Variants in METTL9 observed in about 807,000 individuals in gnomAD.
METTL9 encodes the protein protein-L-histidine N-pros-methyltransferase.
In METTL9, 10 loss-of-function variants were observed where a neutral mutation model predicts 36.0. The ratio of observed to expected loss-of-function variants is 0.28; its 90% CI spans 0.17 to 0.47. METTL9 has a LOEUF of 0.47. METTL9 is among the 20% of genes least tolerant of loss of function. The probability of loss-of-function intolerance (pLI) is 0.99; values close to 1 mark genes in which losing one functional copy is unlikely to be tolerated. For synonymous variants in METTL9, 175 were observed against 149.7 expected (o/e 1.17, Z -1.23); for missense variants, 246 against 383.5 (o/e 0.64, Z 3.00).
rs1966707259 is a variant in METTL9, at chr16:21,656,256, A to G, written c.*824A>G. 7.1e-6 allele frequency: 1 copy of G among 141,730 alleles called. No homozygotes were observed. Among genetic ancestry groups the G allele is most frequent in the South Asian group, 2.1e-4 (1 of 4,660 alleles). 8.8% of individuals were successfully genotyped at this position (141,730 alleles called of 1,614,324 possible). Reference sequence around the variant, plus strand: ...CTGACTTTGTGATCACTCATGTCCCATACACTGAACTTTGTTTTTTTCTGG... The same window carrying G: ...CTGACTTTGTGATCACTCATGTCCCGTACACTGAACTTTGTTTTTTTCTGG... On this transcript the variant is annotated 3_prime_UTR_variant, in exon 5 of 5. Transcript: ENST00000358154.
chr16:21,648,548 T>C (rs1966486422), intron 4 of METTL9, among the ~76,000 whole-genome samples: 1 of 152,184 alleles, frequency 6.6e-6, no homozygotes, highest in African/African-American at 2.4e-5. Context: ...AGTCACCCAC[T>C]CCAGTGTACT....
chr16:21,621,654 A>C (rs185055138), intron 3 of METTL9, among the ~76,000 whole-genome samples: 1 of 152,036 alleles, frequency 6.6e-6, no homozygotes, highest in Non-Finnish European at 1.5e-5. Context: ...AAAATAGGTC[A>C]ATAAACAGAA....
At chr16:21,603,142 C>CTTT (rs202168603) in intron 1 of METTL9, among the ~76,000 whole-genome samples, 1 of 143,552 alleles carries the variant, frequency 7.0e-6, no homozygotes, top group Admixed American at 6.9e-5. Flanking sequence ...TAACAAACAG[C>CTTT]TTTTTTTTTT....
chr16:21,611,867 T>G (rs960257635), intron 1 of METTL9, among the ~76,000 whole-genome samples: 1 of 152,224 alleles, frequency 6.6e-6, no homozygotes, highest in Non-Finnish European at 1.5e-5. Context: ...AAATTTCATC[T>G]ACAGGTGAAG....
intron 1 of METTL9, among the ~76,000 whole-genome samples, chr16:21,600,540 G>C (rs1965095322): frequency 6.6e-6 from 1 of 152,128 alleles, no homozygotes; most frequent in African/African-American, 2.4e-5. Context: ...GATTTAGTCA[G>C]CCTGCTAGAA....
intron 4 of METTL9, chr16:21,643,682 AAACT>A: frequency 1.2e-6 from 1 of 840,240 alleles, no homozygotes; most frequent in South Asian, 1.6e-5. Flanking sequence ...TAATAAGATT[AAACT>A]AACTTAATAT....
chr16:21,625,230 T>A (rs922215177), intron 4 of METTL9, 115 bp downstream of exon 4: 1 of 1,163,444 alleles, frequency 8.6e-7, no homozygotes, highest in East Asian at 2.4e-5. Context: ...AGCCTGCAGT[T>A]TAAAGTAATC....
chr16:21,637,756 C>T (rs1966141608), intron 4 of METTL9, among the ~76,000 whole-genome samples: 1 of 152,256 alleles, frequency 6.6e-6, no homozygotes, highest in African/African-American at 2.4e-5. Context: ...TCCACACTTC[C>T]CCGCGAGCAG....
chr16:21,630,693 G>A lies in METTL9; in HGVS notation c.751+5578G>A, dbSNP rs560512337. Among the ~76,000 whole-genome samples, 461 of 152,300 alleles carry A rather than the reference G, an allele frequency of 3.0e-3. 7 individuals carry two copies. Among genetic ancestry groups the A allele is most frequent in the African/African-American group, 0.011 (438 of 41,564 alleles). ...CAGGGGTCCTCGGTAGAAGTTGTTA[G>A]TTGAGCTCATTTGGGGTTCCATTTG... On this transcript the variant is annotated intron_variant, in intron 4 of 4. Transcript: ENST00000358154.
Position 21,599,689 on chromosome 16 carries a change from C to T in METTL9, c.-45C>T, listed in dbSNP as rs769123145. 6 of 1,424,588 alleles carry T rather than the reference C, an allele frequency of 4.2e-6. No homozygotes were observed. In the South Asian group the frequency reaches 5.7e-5, roughly 14 times the overall value. 88.2% of individuals were successfully genotyped at this position (1,424,588 alleles called of 1,614,324 possible). A position where few individuals can be genotyped will look rare whatever the true frequency, so the allele number is the denominator to read the frequency against. The stretch of plus-strand genomic sequence containing the variant: ...GGAGGCGGCGGTGCCTCCTCCTCCT[C>T]GCCCCGGCGCCGGCGGTGATCCGAG... On this transcript the variant is annotated 5_prime_UTR_variant, in exon 1 of 5. Transcript: ENST00000358154. The surrounding 1 kb of genome is among the most constrained non-coding windows in gnomAD (Gnocchi z 4.4).
chr16:21,639,665 C>T (rs867440804), intron 4 of METTL9: 2 of 152,122 alleles, frequency 1.3e-5, no homozygotes, highest in Middle Eastern at 3.4e-3. Flanking sequence ...ATGCATATAC[C>T]GTATACAAAA....
At chr16:21,647,489 G>C (rs548553916) in intron 4 of METTL9, 2 of 1,607,886 alleles carry the variant, frequency 1.2e-6, no homozygotes, top group South Asian at 2.2e-5. Context: ...GGCGCCCACA[G>C]CACCTGTGGG....
In METTL9 at chr16:21,655,411, C is replaced by G; in HGVS notation, c.936C>G (p.Val312=). 6.2e-7 allele frequency: 1 copy of G among 1,614,122 alleles called. No individual in the cohort carries two copies. Among genetic ancestry groups the G allele is most frequent in the Non-Finnish European group, 8.5e-7 (1 of 1,179,982 alleles). ...ACTACTACGTTCTGGATGACGCTGT[C>G]TTTGTTCTCAAACCAGTATAAACAC... The part of the protein sequence containing the change: ...YNDYYVLDDA[V]FVLKPV The change falls in exon 5 of 5, where the codon GTC becomes GTG. Residue 312 remains valine (V), a synonymous_variant. Coordinates refer to ENST00000358154, the MANE Select transcript of METTL9 (RefSeq NM_016025.5).
In METTL9 at chr16:21,600,145, C is replaced by A. The variant is rs369905460; in HGVS notation, c.165+247C>A. 9.9e-4 allele frequency among the ~76,000 whole-genome samples: 150 copies of A among 152,150 alleles called. 1 individual carries two copies. Among genetic ancestry groups the A allele is most frequent in the African/African-American group, 3.6e-3 (148 of 41,536 alleles). Reference sequence around the variant, plus strand: ...CAGGCGGGGCATGGCCTCCCGGGCCCGATCGTGAGCGGCCCGGAGCCCCGC... The same window carrying A: ...CAGGCGGGGCATGGCCTCCCGGGCCAGATCGTGAGCGGCCCGGAGCCCCGC... On this transcript the variant is annotated intron_variant, in intron 1 of 4. Transcript: ENST00000358154.
In METTL9 at chr16:21,617,814, G is replaced by A; in HGVS notation, c.357-51G>A. 2.1e-6 allele frequency: 3 copies of A among 1,439,818 alleles called. No homozygotes were observed. The South Asian group carries it at 3.4e-5, about 17-fold the overall frequency. 89.2% of individuals were successfully genotyped at this position (1,439,818 alleles called of 1,614,324 possible). ...TATTCACTTTGTGTGTGTATGTGAG[G>A]GGTGCTTAATTTGCATAGACACTTC... On this transcript the variant is annotated intron_variant, in intron 2 of 4. Transcript: ENST00000358154.
At chr16:21,599,373 G>C (rs974208464), upstream of METTL9, 4 of 1,045,306 alleles carry the variant, frequency 3.8e-6, no homozygotes, top group Non-Finnish European at 4.6e-6. The surrounding 1 kb of genome is among the most constrained non-coding windows in gnomAD (Gnocchi z 4.4). Flanking sequence ...AGGCAGGGCC[G>C]GGACACGAGA....
At chr16:21,605,882 A>T (rs1965273962) in intron 1 of METTL9, among the ~76,000 whole-genome samples, 1 of 152,188 alleles carries the variant, frequency 6.6e-6, no homozygotes, top group Non-Finnish European at 1.5e-5. Flanking sequence ...TTAAGAGCTC[A>T]GTCCCACAAG....
chr16:21,624,893 G>T, intron 3 of METTL9, 38 bp from the exon 4 acceptor site: 2 of 1,570,296 alleles, frequency 1.3e-6, no homozygotes, highest in Non-Finnish European at 1.8e-6. Context: ...GTCTTTAGAG[G>T]GACTTTATGT....
chr16:21,639,931 T>G (rs1966204456), intron 4 of METTL9: 1 of 151,840 alleles, frequency 6.6e-6, no homozygotes, highest in Admixed American at 6.6e-5. Context: ...TTTATTTTAT[T>G]TATTTATTTA....
Sources: gnomAD v4.1 joint callset for allele counts (sites outside exome capture counted in the v4.1 genomes callset) on GRCh38, gnomAD v4.1.1 for gene constraint, Gnocchi (gnomAD v3.1) non-coding constraint, MANE v1.5 for transcripts, NCBI Gene and HGNC (gene_info 2026-07-23, HGNC 2026-07-21) for gene names.